Variants in PLEKHM3 observed in about 807,000 individuals in gnomAD.
The protein encoded by PLEKHM3 is pleckstrin homology domain containing M3.
Under a neutral mutation model 81.8 loss-of-function variants are expected in PLEKHM3, and 45 were observed. The observed-to-expected ratio is 0.55, with a 90% confidence interval of 0.43 to 0.71. PLEKHM3 has a LOEUF of 0.71. PLEKHM3 is among the 30% of genes least tolerant of loss of function. PLEKHM3 has a pLI of 0.00. For missense variants in PLEKHM3, 788 were observed against 924.3 expected (o/e 0.85, Z 1.91); for synonymous variants, 352 against 356.4 (o/e 0.99, Z 0.14).
chr2:207,917,263 T>C (rs919759634), intron 5 of PLEKHM3, among the ~76,000 whole-genome samples: 1 of 152,226 alleles, frequency 6.6e-6, no homozygotes, highest in Non-Finnish European at 1.5e-5. Context: ...ACTGGAAAAG[T>C]AGCCACAAAA....
Position 207,828,350 on chromosome 2 carries a change from G to C in PLEKHM3, c.2255C>G (p.Thr752Ser), listed in dbSNP as rs781657671. ...NMDESLEEACTMFELSYQNT is the reference protein window; with the variant it reads ...NMDESLEEACSMFELSYQNT ...GTTCTGGTAGGACAGCTCGAACATG[G>C]TGCAAGCCTCCTCTAGACTCTCGTC... Residue 752 changes from threonine (T) to serine (S), a missense_variant, in exon 8 of 8, where the codon ACC becomes AGC. Transcript: ENST00000427836. 4 of 1,613,890 alleles carry C rather than the reference G, an allele frequency of 2.5e-6. No individual in the cohort carries two copies. Among genetic ancestry groups the C allele is most frequent in the Non-Finnish European group, 2.5e-6 (3 of 1,179,964 alleles).
chr2:207,895,927 C>G (rs1483062213), intron 6 of PLEKHM3, among the ~76,000 whole-genome samples: 1 of 152,198 alleles, frequency 6.6e-6, no homozygotes, highest in African/African-American at 2.4e-5. Flanking sequence ...TATTTCCTGA[C>G]AAAAAGTTGA....
At chr2:207,832,839 C>T (rs1402455729) in intron 7 of PLEKHM3, among the ~76,000 whole-genome samples, 1 of 151,172 alleles carries the variant, frequency 6.6e-6, no homozygotes, top group East Asian at 1.9e-4. Flanking sequence ...GGGCTGGGTG[C>T]GGTGGCTCAT....
At chr2:207,923,880 CATATAT>C (rs1226187210) in intron 5 of PLEKHM3, among the ~76,000 whole-genome samples, 15 of 56,788 alleles carry the variant, frequency 2.6e-4, no homozygotes, top group African/African-American at 7.8e-4. Context: ...CACACACACA[CATATAT>C]ATATATATAT....
At chr2:207,967,631 G>A (rs981116187) in intron 3 of PLEKHM3, among the ~76,000 whole-genome samples, 6 of 152,282 alleles carry the variant, frequency 3.9e-5, no homozygotes, top group Admixed American at 3.9e-4. Context: ...CATTAGGTTG[G>A]TGCAAAAGTT....
chr2:207,962,253 C>T, intron 3 of PLEKHM3, among the ~76,000 whole-genome samples: 1 of 152,110 alleles, frequency 6.6e-6, no homozygotes, highest in East Asian at 1.9e-4. Flanking sequence ...AGTTGCATGG[C>T]CAATGATTCA....
At chr2:208,023,806 C>A (rs1183123477) in intron 1 of PLEKHM3, among the ~76,000 whole-genome samples, 2 of 152,126 alleles carry the variant, frequency 1.3e-5, no homozygotes, top group Non-Finnish European at 2.9e-5. Context: ...CCATTGCCTG[C>A]CTCCCTCCAG....
At chr2:207,830,228 G>C (rs972344550) in intron 7 of PLEKHM3, among the ~76,000 whole-genome samples, 3 of 152,140 alleles carry the variant, frequency 2.0e-5, no homozygotes, top group African/African-American at 7.2e-5. Flanking sequence ...TGACTGCTAT[G>C]AACTGAACTG....
At chr2:207,985,796 C>T (rs1208795834) in intron 2 of PLEKHM3, among the ~76,000 whole-genome samples, 1 of 151,998 alleles carries the variant, frequency 6.6e-6, no homozygotes, top group Non-Finnish European at 1.5e-5. Context: ...ACCATCCTGG[C>T]TAACACAGTG....
chr2:207,965,294 T>C (rs1045645025), intron 3 of PLEKHM3, among the ~76,000 whole-genome samples: 3 of 151,622 alleles, frequency 2.0e-5, no homozygotes, highest in African/African-American at 7.3e-5. Flanking sequence ...AATGAACACA[T>C]GATGAGAACA....
chr2:207,970,197 T>C (rs778872306), intron 3 of PLEKHM3, among the ~76,000 whole-genome samples: 17 of 146,776 alleles, frequency 1.2e-4, no homozygotes, highest in Non-Finnish European at 2.1e-4. Flanking sequence ...GGGAGGAAAA[T>C]AAGGCAGGGG....
At chr2:207,926,893 C>T (rs1368720177) in intron 5 of PLEKHM3, among the ~76,000 whole-genome samples, 2 of 152,188 alleles carry the variant, frequency 1.3e-5, no homozygotes, top group East Asian at 1.9e-4. Flanking sequence ...GGCTCCCTGG[C>T]GGTCGAGCGC....
At chr2:207,998,969 A>G (rs1692205510) in intron 2 of PLEKHM3, among the ~76,000 whole-genome samples, 1 of 152,082 alleles carries the variant, frequency 6.6e-6, no homozygotes, top group African/African-American at 2.4e-5. Context: ...CTGGGCTTAC[A>G]GCAACTTGTA....
chr2:207,840,884 T>C (rs1434218334), intron 7 of PLEKHM3, among the ~76,000 whole-genome samples: 1 of 143,518 alleles, frequency 7.0e-6, no homozygotes, highest in Non-Finnish European at 1.5e-5. Flanking sequence ...CACTGCCACC[T>C]CCGCCTCCTG....
At chr2:207,874,383 T>C (rs1163464186) in intron 6 of PLEKHM3, among the ~76,000 whole-genome samples, 1 of 151,948 alleles carries the variant, frequency 6.6e-6, no homozygotes, top group Non-Finnish European at 1.5e-5. Flanking sequence ...GAGACAAGCC[T>C]GACCAAAATG....
chr2:207,907,153 G>A (rs1180405556), intron 6 of PLEKHM3, among the ~76,000 whole-genome samples: 1 of 152,108 alleles, frequency 6.6e-6, no homozygotes, highest in Admixed American at 6.5e-5. Flanking sequence ...AGAATTTAGG[G>A]CTGAATACAC....
At chr2:207,854,536 C>CTGTA (rs1382525832) in intron 7 of PLEKHM3, among the ~76,000 whole-genome samples, 1 of 152,100 alleles carries the variant, frequency 6.6e-6, no homozygotes, top group African/African-American at 2.4e-5. Context: ...ATCAGCAACT[C>CTGTA]TGTATTTCTG....
At chr2:207,931,796 A>C (rs894768588) in intron 4 of PLEKHM3, among the ~76,000 whole-genome samples, 66 of 152,306 alleles carry the variant, frequency 4.3e-4, no homozygotes, top group African/African-American at 1.6e-3. Context: ...GACATGGCGA[A>C]ACCCCGTCTC....
At chr2:207,948,388 C>T (rs1310159599) in intron 3 of PLEKHM3, among the ~76,000 whole-genome samples, 1 of 131,544 alleles carries the variant, frequency 7.6e-6, no homozygotes, top group Non-Finnish European at 1.6e-5. Flanking sequence ...CAGAGTCTCA[C>T]TCTGTTGTCC....
Sources: gnomAD v4.1 joint callset for allele counts (sites outside exome capture counted in the v4.1 genomes callset) on GRCh38, gnomAD v4.1.1 for gene constraint, MANE v1.5 for transcripts, NCBI Gene and HGNC (gene_info 2026-07-23, HGNC 2026-07-21) for gene names.